VSIG10L: variants seen among roughly 807,000 people sequenced by gnomAD.
VSIG10L encodes the protein V-set and immunoglobulin domain containing 10 like.
In VSIG10L, 63 loss-of-function variants were observed where a neutral mutation model predicts 67.3. The observed-to-expected ratio is 0.94, with a 90% CI of 0.76 to 1.15. The LOEUF (loss-of-function observed/expected upper bound fraction) is 1.15. Ranked by LOEUF, VSIG10L falls within the 50% of genes most tolerant of loss-of-function variation. The probability of loss-of-function intolerance (pLI) is 0.00; values close to 1 mark genes in which losing one functional copy is unlikely to be tolerated. For synonymous variants in VSIG10L, 499 were observed against 524.9 expected (o/e 0.95, Z 0.67); for missense variants, 1,050 against 1,177.5 (o/e 0.89, Z 1.58).
chr19:51,339,766 T>C, intron 4 of VSIG10L: 1 of 378,790 alleles, frequency 2.6e-6, no homozygotes, highest in Non-Finnish European at 4.5e-6. Context: ...CCTGCCACTC[T>C]ATTTGGCTCC....
At position 51,338,942 on chromosome 19, in the gene VSIG10L, T is replaced by C; in HGVS notation, c.1675A>G (p.Ile559Val). 2 of 1,436,500 alleles carry C rather than the reference T, an allele frequency of 1.4e-6. No homozygotes were observed. Among genetic ancestry groups the C allele is most frequent in the Non-Finnish European group, 1.8e-6 (2 of 1,088,200 alleles). The allele number at this position is 1,436,500 out of a possible 1,614,324, so 89.0% of individuals were successfully genotyped here. The change falls in exon 5 of 10, where the codon ATC (isoleucine) becomes GTC (valine). Residue 559 changes from isoleucine (I) to valine (V), a missense_variant. Around this residue, in one of 3 missense-constraint regions of VSIG10L, gnomAD observed 529 missense variants for 584.9 expected, o/e 0.90. Transcript: ENST00000335624. ...PAHPRLSGVP[I>V]TCLARHLVAT... is the part of the protein sequence containing the mutation. ...ACCAGGTGGCGAGCAAGGCAGGTGA[T>C]GGGGACGCCGCTGAGCCGGGGGTGG... is the stretch of plus-strand genomic sequence containing the variant.
chr19:51,338,483 T>G (rs1435234777), intron 5 of VSIG10L, among the ~76,000 whole-genome samples: 1 of 152,148 alleles, frequency 6.6e-6, no homozygotes, highest in Non-Finnish European at 1.5e-5. Context: ...TCTTTATTAT[T>G]ATTATTATTT....
chr19:51,336,867 C>T (rs1024102727), intron 7 of VSIG10L, among the ~76,000 whole-genome samples: 4 of 149,600 alleles, frequency 2.7e-5, no homozygotes, highest in Non-Finnish European at 4.4e-5. Context: ...CCCGGGTTCG[C>T]GCCATTCTCC....
At chr19:51,335,921 C>G (rs1985468351) in intron 7 of VSIG10L, among the ~76,000 whole-genome samples, 2 of 151,998 alleles carry the variant, frequency 1.3e-5, no homozygotes, top group Non-Finnish European at 2.9e-5. Context: ...ACACCCCCCA[C>G]CTCCCCAAAA....
chr19:51,336,817 C>G (rs113178756), intron 7 of VSIG10L, among the ~76,000 whole-genome samples: 4,506 of 134,726 alleles, frequency 0.033, 106 homozygotes, highest in Middle Eastern at 0.097. Context: ...ACCCAGGCTG[C>G]AGTGCAGTGG....
intron 7 of VSIG10L, 109 bp from the exon 8 acceptor site, chr19:51,334,413 G>T: frequency 1.2e-6 from 1 of 849,392 alleles, no homozygotes; most frequent in Non-Finnish European, 1.8e-6. Context: ...GGCCCCCACT[G>T]TCCCTCCCCT....
rs879220442 is a variant in VSIG10L at position 51,338,109 on chromosome 19, C to T, written c.1829G>A (p.Arg610Gln). The T allele has an allele frequency of 3.1e-5, 48 of 1,550,310 alleles. No homozygotes were observed. In the Admixed American group the frequency reaches 3.3e-4, roughly 11 times the overall value. ...LEASGCPPPSRASWAREGRPL... is the reference protein window; with the variant it reads ...LEASGCPPPSQASWAREGRPL... ...CCTCCCTTCCCGGGCCCAGGATGCCCGTGAGGGTGGGGGACAACCAGAGGC... is the reference window on the plus strand; with the variant it reads ...CCTCCCTTCCCGGGCCCAGGATGCCTGTGAGGGTGGGGGACAACCAGAGGC... Residue 610 changes from arginine to glutamine, a missense_variant, in exon 6 of 10, where the codon CGG becomes CAG. Around this residue, in one of 3 missense-constraint regions of VSIG10L, gnomAD observed 529 missense variants for 584.9 expected, o/e 0.90. Transcript: ENST00000335624.
chr19:51,337,221 T>C lies in VSIG10L; in HGVS notation c.2305+17A>G. The C allele has an allele frequency of 6.5e-7, 1 of 1,536,372 alleles. No homozygotes were observed. The highest frequency in any genetic ancestry group is 2.0e-5 in the Admixed American group (1 of 50,360). On this transcript the variant is annotated intron_variant, in intron 7 of 9. Transcript: ENST00000335624. ...CTGGCACAACAGAGAAGGTCTACTC[T>C]GACAGCCCCAACTCACCGGCCCGGT...
chr19:51,338,129 A>G lies in VSIG10L; in HGVS notation c.1809T>C (p.Ser603=). The change falls in exon 6 of 10, where the codon TCT becomes TCC. Residue 603 remains serine, a synonymous_variant. Coordinates refer to ENST00000335624, the MANE Select transcript of VSIG10L (RefSeq NM_001163922.3). The part of the protein sequence containing the change: ...LGEAEVALEA[S]GCPPPSRASW... ...ATGCCCGTGAGGGTGGGGGACAACC[A>G]GAGGCCTCCAGTGCCACCTCTGCCT... The G allele has an allele frequency of 6.5e-7, 1 of 1,546,268 alleles. No homozygotes were observed. Among genetic ancestry groups the G allele is most frequent in the Middle Eastern group, 1.7e-4 (1 of 5,960 alleles).
intron 6 of VSIG10L, among the ~76,000 whole-genome samples, 193 bp downstream of exon 6, chr19:51,337,737 G>C (rs956541278): frequency 2.6e-5 from 4 of 151,072 alleles, no homozygotes; most frequent in Non-Finnish European, 5.9e-5. Flanking sequence ...TGAGGGAAGA[G>C]GGGCTGGGGC....
At chr19:51,338,333 C>T in intron 5 of VSIG10L, 125 bp from the exon 6 acceptor site, 1 of 1,043,594 alleles carries the variant, frequency 9.6e-7, no homozygotes, top group Non-Finnish European at 1.3e-6. Flanking sequence ...TGAGAAAGAA[C>T]TGCCAATTTA....
chr19:51,339,099 G>A lies in VSIG10L; in HGVS notation c.1518C>T (p.Pro506=). The A allele has an allele frequency of 1.5e-6, 2 of 1,346,728 alleles. No homozygotes were observed. Among genetic ancestry groups the A allele is most frequent in the Non-Finnish European group, 1.9e-6 (2 of 1,042,338 alleles). 83.4% of individuals were successfully genotyped at this position (1,346,728 alleles called of 1,614,324 possible). Residue 506 remains proline, a synonymous_variant, in exon 5 of 10, where the codon CCC becomes CCT. Coordinates refer to ENST00000335624, the MANE Select transcript of VSIG10L (RefSeq NM_001163922.3). ...AGCGGAAGCGGAGGCTGCGGTCCCCGGGACCCCCTTCAACTGAGCACTGTG... is the reference window on the plus strand; with the variant it reads ...AGCGGAAGCGGAGGCTGCGGTCCCCAGGACCCCCTTCAACTGAGCACTGTG... ...GAPQCSVEGG[P]GDRSLRFRCS...
chr19:51,341,167 G>C lies in VSIG10L; in HGVS notation c.881C>G (p.Thr294Arg). ...GGCCCACTTACCATACACACCCACC[G>C]TGAACTCGTGAGTCTGCTGGGAGAC... ...AGVSQQTHEF[T>R]VGVYEPLPQL... The change falls in exon 2 of 10, where the codon ACG (threonine) becomes AGG (arginine). Residue 294 changes from threonine to arginine, a missense_variant. By Grantham distance (71) the Thr-to-Arg change is moderately conservative. Around this residue, in one of 3 missense-constraint regions of VSIG10L, gnomAD observed 511 missense variants for 557.9 expected, o/e 0.92. Coordinates refer to ENST00000335624, the MANE Select transcript of VSIG10L (RefSeq NM_001163922.3). The C allele has an allele frequency of 6.6e-7, 1 of 1,524,604 alleles. No individual in the cohort carries two copies. Among genetic ancestry groups the C allele is most frequent in the Middle Eastern group, 1.7e-4 (1 of 5,846 alleles). 94.4% of individuals were successfully genotyped at this position (1,524,604 alleles called of 1,614,324 possible).
At chr19:51,339,679 G>A in intron 4 of VSIG10L, 1 of 248,328 alleles carries the variant, frequency 4.0e-6, no homozygotes, top group Non-Finnish European at 7.7e-6. Flanking sequence ...AACTCCGCTT[G>A]TCGACTTTGT....
Position 51,337,417 on chromosome 19 carries a change from G to A in VSIG10L, c.2126C>T (p.Pro709Leu), listed in dbSNP as rs942253114. Residue 709 changes from proline to leucine, a missense_variant, in exon 7 of 10, where the codon CCT (proline) becomes CTT (leucine). Around this residue, in one of 3 missense-constraint regions of VSIG10L, gnomAD observed 529 missense variants for 584.9 expected, o/e 0.90. Coordinates refer to ENST00000335624, the MANE Select transcript of VSIG10L (RefSeq NM_001163922.3). The stretch of plus-strand genomic sequence containing the variant: ...GTAGGTGGAAGTCCTGCCCAGAGCA[G>A]GCCCATCTGGCCATGCCTGGATCTC... ...SFEIQAWPDG[P>L]ALGRTSTYRD... 1 of 1,551,738 alleles carries A rather than the reference G, an allele frequency of 6.4e-7. No homozygotes were observed. The highest frequency in any genetic ancestry group is 8.7e-7 in the Non-Finnish European group (1 of 1,146,998).
Position 51,341,309 on chromosome 19 carries a change from G to C in VSIG10L, c.739C>G (p.Leu247Val), listed in dbSNP as rs1378422393. 1 of 1,545,022 alleles carries C rather than the reference G, an allele frequency of 6.5e-7. No homozygotes were observed. The highest frequency in any genetic ancestry group is 8.7e-7 in the Non-Finnish European group (1 of 1,146,906). The change falls in exon 2 of 10, where the codon CTG becomes GTG. Residue 247 changes from leucine (L) to valine (V), a missense_variant. By Grantham distance (32) the Leu-to-Val change is conservative. Coordinates refer to ENST00000335624, the MANE Select transcript of VSIG10L (RefSeq NM_001163922.3). ...AGGTGGTCTCGGTGAGCAGGGTCCA[G>C]GCTGATCAGAGGTGCCCCTGGCCCC... ...GLGPGAPLIS[L>V]DPAHRDHLRF... is the part of the protein sequence containing the mutation.
At chr19:51,341,030 C>T (rs1985621960) in intron 2 of VSIG10L, 123 bp downstream of exon 2, 7 of 1,355,122 alleles carry the variant, frequency 5.2e-6, no homozygotes, top group Non-Finnish European at 1.9e-6. Flanking sequence ...TCTTTTTCTC[C>T]CTTCCTCAAC....
At chr19:51,333,462 G>A (rs1273194810) in intron 9 of VSIG10L, among the ~76,000 whole-genome samples, 1 of 151,786 alleles carries the variant, frequency 6.6e-6, no homozygotes, top group East Asian at 1.9e-4. Context: ...CCAGGAGGCG[G>A]AGGCTGCAGT....
chr19:51,335,748 A>C (rs11878664), intron 7 of VSIG10L, among the ~76,000 whole-genome samples: 82,673 of 151,880 alleles, frequency 0.54, 22,810 homozygotes, highest in South Asian at 0.72. Context: ...GTCTCTGCTA[A>C]AAATTCAAAA....
Sources: gnomAD v4.1 joint callset for allele counts (sites outside exome capture counted in the v4.1 genomes callset) on GRCh38, gnomAD v4.1.1 for gene constraint, gnomAD v4.1.1 regional missense constraint, MANE v1.5 for transcripts, NCBI Gene and HGNC (gene_info 2026-07-23, HGNC 2026-07-21) for gene names.